OXR1: variants seen among roughly 807,000 people sequenced by gnomAD.
The protein encoded by OXR1 is oxidation resistance 1.
OXR1 carries 41 observed loss-of-function variants against 104.6 expected under a neutral mutation model. The ratio of observed to expected loss-of-function variants is 0.39; its 90% CI spans 0.31 to 0.51. OXR1 has a LOEUF of 0.51. OXR1 is among the 20% of genes least tolerant of loss of function. The pLI is 0.77. For missense variants in OXR1, 955 were observed against 1,031.9 expected (o/e 0.93, Z 1.02); for synonymous variants, 348 against 348.4 (o/e 1.00, Z 0.01).
intron 3 of OXR1, among the ~76,000 whole-genome samples, chr8:106,668,907 T>C (rs925460777): frequency 6.6e-6 from 1 of 152,200 alleles, no homozygotes; most frequent in Non-Finnish European, 1.5e-5. Context: ...AAATCAATAG[T>C]AAATCTGTAG....
chr8:106,674,664 T>G (rs891655589), intron 3 of OXR1, among the ~76,000 whole-genome samples: 1 of 152,168 alleles, frequency 6.6e-6, no homozygotes. Flanking sequence ...TCTTGAAATA[T>G]TATCCCCATA....
chr8:106,315,067 G>A (rs1317902340), intron 1 of OXR1, among the ~76,000 whole-genome samples: 3 of 151,856 alleles, frequency 2.0e-5, no homozygotes, highest in African/African-American at 7.3e-5. Flanking sequence ...TGTCGAGTGG[G>A]CGTTTATTTG....
At chr8:106,518,598 GT>G (rs1408361298) in intron 2 of OXR1, among the ~76,000 whole-genome samples, 9 of 152,002 alleles carry the variant, frequency 5.9e-5, no homozygotes, top group Non-Finnish European at 1.5e-5. Flanking sequence ...TTTAACTAAT[GT>G]TTCACTGTAT....
chr8:106,749,618 T>C lies in OXR1; in HGVS notation c.2487-1188T>C, dbSNP rs188550362. Among the ~76,000 whole-genome samples, 262 of 152,250 alleles carry C rather than the reference T, an allele frequency of 1.7e-3. 1 individual carries two copies. The highest frequency in any genetic ancestry group is 2.1e-3 in the Non-Finnish European group (146 of 68,006). On this transcript the variant is annotated intron_variant, in intron 16 of 16. Transcript: ENST00000517566. Reference sequence around the variant, plus strand: ...AGACAAGTCTTGATCCCAGACCAGTTTTTTTCTTTCAATGAAATATAACTG... The same window carrying C: ...AGACAAGTCTTGATCCCAGACCAGTCTTTTTCTTTCAATGAAATATAACTG...
chr8:106,706,501 C>G lies in OXR1; in HGVS notation c.980C>G (p.Pro327Arg), dbSNP rs1011637783. The G allele has an allele frequency of 6.2e-7, 1 of 1,604,972 alleles. No individual in the cohort carries two copies. ...GGTAATGATAGTGCCAGCACTGCTCCTAGGAGCACTGAGGAGTCTCTTTCT... is the reference window on the plus strand; with the variant it reads ...GGTAATGATAGTGCCAGCACTGCTCGTAGGAGCACTGAGGAGTCTCTTTCT... ...DAGNDSASTA[P>R]RSTEESLSED... Residue 327 changes from proline (P) to arginine (R), a missense_variant, in exon 9 of 17, where the codon CCT (proline) becomes CGT (arginine). Physicochemically the swap from Pro to Arg is moderately radical, Grantham distance 103 (BLOSUM62 -2). Transcript: ENST00000517566.
At chr8:106,673,064 G>C (rs575952743) in intron 3 of OXR1, among the ~76,000 whole-genome samples, 1 of 151,406 alleles carries the variant, frequency 6.6e-6, no homozygotes, top group Non-Finnish European at 1.5e-5. Context: ...ATGTGGAAGC[G>C]ACTTTGGAAC....
chr8:106,513,804 A>G (rs1812690977), intron 2 of OXR1, among the ~76,000 whole-genome samples: 1 of 150,908 alleles, frequency 6.6e-6, no homozygotes, highest in South Asian at 2.1e-4. Context: ...GCACTTTCAC[A>G]TATGGTGTTT....
chr8:106,312,983 A>G (rs1055184118), intron 1 of OXR1, among the ~76,000 whole-genome samples: 4 of 152,138 alleles, frequency 2.6e-5, no homozygotes, highest in African/African-American at 9.7e-5. Flanking sequence ...TTTTGGAAGG[A>G]CTTTCTTATT....
chr8:106,616,201 C>G (rs926832711), intron 3 of OXR1, among the ~76,000 whole-genome samples: 9 of 148,704 alleles, frequency 6.1e-5, no homozygotes, highest in African/African-American at 2.2e-4. Flanking sequence ...GCCACCATGC[C>G]TGGCTAATTT....
intron 9 of OXR1, among the ~76,000 whole-genome samples, 193 bp from the exon 10 acceptor site, chr8:106,710,424 TGTTAA>T (rs1266634952): frequency 3.9e-5 from 6 of 152,096 alleles, no homozygotes; most frequent in African/African-American, 1.2e-4. Context: ...TTGGCTCTTT[TGTTAA>T]GTTTAGTCAT....
intron 1 of OXR1, among the ~76,000 whole-genome samples, chr8:106,299,542 AC>A (rs983506464): frequency 3.7e-4 from 57 of 152,126 alleles, no homozygotes; most frequent in Non-Finnish European, 4.4e-5. Context: ...CTAGGTGTGT[AC>A]TTTTTTTTCC....
chr8:106,423,852 T>C (rs920208175), intron 2 of OXR1, among the ~76,000 whole-genome samples: 7 of 152,300 alleles, frequency 4.6e-5, no homozygotes, highest in African/African-American at 1.7e-4. Flanking sequence ...AGCTAAAATA[T>C]AGGGAAAATG....
intron 1 of OXR1, among the ~76,000 whole-genome samples, chr8:106,334,931 C>T (rs1407348085): frequency 1.3e-5 from 2 of 152,072 alleles, no homozygotes; most frequent in Admixed American, 6.5e-5. Flanking sequence ...CAGATGCAAA[C>T]TCCTTGGCTG....
At chr8:106,373,169 A>G (rs1816777109) in intron 2 of OXR1, among the ~76,000 whole-genome samples, 1 of 152,176 alleles carries the variant, frequency 6.6e-6, no homozygotes, top group African/African-American at 2.4e-5. Flanking sequence ...GTTCTGTATC[A>G]TTTTATACCT....
chr8:106,508,007 A>AG (rs1287509419), intron 2 of OXR1, among the ~76,000 whole-genome samples: 2 of 152,268 alleles, frequency 1.3e-5, no homozygotes, highest in East Asian at 3.9e-4. Flanking sequence ...GATGGCCCTC[A>AG]GCATGTCCAT....
intron 3 of OXR1, among the ~76,000 whole-genome samples, chr8:106,542,214 G>A (rs1380663073): frequency 6.6e-6 from 1 of 152,128 alleles, no homozygotes; most frequent in African/African-American, 2.4e-5. Flanking sequence ...TAGGCAAAGT[G>A]TTCAGCAGCT....
At chr8:106,300,446 C>T (rs1229460619) in intron 1 of OXR1, among the ~76,000 whole-genome samples, 1 of 151,924 alleles carries the variant, frequency 6.6e-6, no homozygotes, top group African/African-American at 2.4e-5. Context: ...GATGACCCTC[C>T]TCTAACTTTC....
chr8:106,404,938 C>T (rs1171383359), intron 2 of OXR1, among the ~76,000 whole-genome samples: 2 of 151,896 alleles, frequency 1.3e-5, no homozygotes, highest in African/African-American at 4.8e-5. Flanking sequence ...ATCACCTGAC[C>T]TAGGGATCCA....
At position 106,625,696 on chromosome 8, in the gene OXR1, G is replaced by A. The variant is rs191200644; in HGVS notation, c.221-53514G>A. On this transcript the variant is annotated intron_variant, in intron 3 of 16. Transcript: ENST00000517566. ...GACAATCTGAACTAGGGTAATGATAGTTTAGGTCTCCTCGCTTAGCCATCT... is the reference window on the plus strand; with the variant it reads ...GACAATCTGAACTAGGGTAATGATAATTTAGGTCTCCTCGCTTAGCCATCT... Among the ~76,000 whole-genome samples the A allele has an allele frequency of 3.0e-3, 452 of 152,262 alleles. 3 individuals are homozygous for A. The highest frequency in any genetic ancestry group is 7.1e-3 in the Admixed American group (108 of 15,288).
Sources: gnomAD v4.1 joint callset for allele counts (sites outside exome capture counted in the v4.1 genomes callset) on GRCh38, gnomAD v4.1.1 for gene constraint, MANE v1.5 for transcripts, NCBI Gene and HGNC (gene_info 2026-07-23, HGNC 2026-07-21) for gene names.